The following ESRRB variants were observed in gnomAD, a reference collection of about 807,000 sequenced individuals.
ESRRB encodes the protein steroid hormone receptor ERR2.
In ESRRB, 16 loss-of-function variants were observed where a neutral mutation model predicts 46.0. The ratio of observed to expected loss-of-function variants is 0.35; its 90% CI spans 0.24 to 0.53. The LOEUF is 0.53. ESRRB is among the 20% of genes least tolerant of loss of function. The probability of loss-of-function intolerance (pLI) is 0.93; values close to 1 mark genes in which losing one functional copy is unlikely to be tolerated. For missense variants in ESRRB, 488 were observed against 607.4 expected (o/e 0.80, Z 2.07); for synonymous variants, 246 against 259.6 (o/e 0.95, Z 0.50).
chr14:76,436,029 G>A (rs891061849), intron 1 of ESRRB, among the ~76,000 whole-genome samples: 1 of 152,200 alleles, frequency 6.6e-6, no homozygotes, highest in Non-Finnish European at 1.5e-5. Flanking sequence ...CCTGATAGAG[G>A]CCAGCATCTT....
At chr14:76,390,838 C>G (rs942788339) in intron 1 of ESRRB, among the ~76,000 whole-genome samples, 1 of 152,058 alleles carries the variant, frequency 6.6e-6, no homozygotes, top group African/African-American at 2.4e-5. Flanking sequence ...GTGCCCCAGG[C>G]CCTTTGAGGA....
intron 2 of ESRRB, among the ~76,000 whole-genome samples, chr14:76,449,853 A>C (rs773073480): frequency 4.6e-5 from 7 of 150,638 alleles, no homozygotes; most frequent in Non-Finnish European, 8.8e-5. Flanking sequence ...TGTAGCCTCA[A>C]ACTCCTGGGC....
chr14:76,370,354 C>T (rs934168928), upstream of ESRRB, among the ~76,000 whole-genome samples: 2 of 151,670 alleles, frequency 1.3e-5, no homozygotes, highest in Admixed American at 6.6e-5. Context: ...ACTGAGATCA[C>T]GCCATTGTAC....
At chr14:76,466,345 C>A (rs530465635) in intron 3 of ESRRB, among the ~76,000 whole-genome samples, 1 of 152,226 alleles carries the variant, frequency 6.6e-6, no homozygotes, top group Non-Finnish European at 1.5e-5. Context: ...GTAAAATAAT[C>A]AGAGATCGTT....
At chr14:76,442,626 A>G (rs530796343) in intron 2 of ESRRB, among the ~76,000 whole-genome samples, 3 of 152,290 alleles carry the variant, frequency 2.0e-5, no homozygotes, top group African/African-American at 7.2e-5. Flanking sequence ...AAATGTTTGT[A>G]ATTATTATTT....
At chr14:76,320,561 G>A (rs542628825) in intron 1 of ESRRB, among the ~76,000 whole-genome samples, 2 of 152,308 alleles carry the variant, frequency 1.3e-5, no homozygotes, top group African/African-American at 4.8e-5. Context: ...TCCCAGCACC[G>A]TGCCTGGACA....
chr14:76,339,110 T>C (rs891836213), intron 1 of ESRRB, among the ~76,000 whole-genome samples: 2 of 152,224 alleles, frequency 1.3e-5, no homozygotes, highest in Admixed American at 6.5e-5. Context: ...GAATTTATTA[T>C]GTATCTTTCT....
chr14:76,499,995 C>A lies in ESRRB; in HGVS notation c.*1537C>A. On this transcript the variant is annotated 3_prime_UTR_variant, in exon 7 of 7. Transcript: ENST00000644823. ...CTCCCCGGGGATCCCCAATCCACGC[C>A]CTTCTAGTCCAACCCCCCTCAATGA... The A allele has an allele frequency of 6.3e-7, 1 of 1,579,496 alleles. No individual in the cohort carries two copies. Among genetic ancestry groups the A allele is most frequent in the Non-Finnish European group, 8.6e-7 (1 of 1,161,662 alleles).
chr14:76,437,869 C>G (rs1887741832), intron 1 of ESRRB, among the ~76,000 whole-genome samples: 1 of 152,222 alleles, frequency 6.6e-6, no homozygotes, highest in Non-Finnish European at 1.5e-5. Context: ...TGCCCGCCTT[C>G]TCCTCCACCA....
intron 1 of ESRRB, among the ~76,000 whole-genome samples, chr14:76,332,681 ATATATT>A (rs1168307446): frequency 1.0e-4 from 3 of 28,788 alleles, no homozygotes; most frequent in African/African-American, 2.6e-4. Context: ...TTTATATATT[ATATATT>A]TATATATTTA....
intron 1 of ESRRB, among the ~76,000 whole-genome samples, chr14:76,360,047 G>C (rs1443698355): frequency 6.6e-6 from 1 of 152,156 alleles, no homozygotes; most frequent in African/African-American, 2.4e-5. Flanking sequence ...GCTAAAGTCA[G>C]GTTGCCAGGG....
At chr14:76,481,634 C>T (rs1397377239) in intron 3 of ESRRB, among the ~76,000 whole-genome samples, 2 of 152,174 alleles carry the variant, frequency 1.3e-5, no homozygotes, top group Non-Finnish European at 2.9e-5. Context: ...GACCGGGATT[C>T]CTTTCTTTTG....
chr14:76,501,080 G>A lies in ESRRB; in HGVS notation c.*2622G>A. 1 of 329,708 alleles carries A rather than the reference G, an allele frequency of 3.0e-6. No homozygotes were observed. 20.4% of individuals were successfully genotyped at this position (329,708 alleles called of 1,614,324 possible). On this transcript the variant is annotated 3_prime_UTR_variant, in exon 7 of 7. Coordinates refer to ENST00000644823, the MANE Select transcript of ESRRB (RefSeq NM_001379180.1). ...AGTGGAAGGTGGTGAAGTGAGGAGA[G>A]TTTAGGGGAACCTTCCCCCAGTGGA...
intron 1 of ESRRB, among the ~76,000 whole-genome samples, chr14:76,405,384 T>C (rs1460574767): frequency 6.6e-6 from 1 of 152,088 alleles, no homozygotes; most frequent in Non-Finnish European, 1.5e-5. Flanking sequence ...ACTGCTGGGG[T>C]TACAGGTGTG....
chr14:76,491,212 G>A (rs138990558), intron 5 of ESRRB, among the ~76,000 whole-genome samples: 72 of 152,338 alleles, frequency 4.7e-4, no homozygotes, highest in African/African-American at 1.5e-3. Context: ...TGTCAACATT[G>A]ACTGAGCTCT....
chr14:76,421,850 G>A (rs1003329239), intron 1 of ESRRB, among the ~76,000 whole-genome samples: 3 of 152,232 alleles, frequency 2.0e-5, no homozygotes, highest in Non-Finnish European at 4.4e-5. Flanking sequence ...GGGAGGGAGG[G>A]TGTGGTTGGG....
At chr14:76,473,614 C>T (rs1889458488) in intron 3 of ESRRB, among the ~76,000 whole-genome samples, 1 of 152,266 alleles carries the variant, frequency 6.6e-6, no homozygotes, top group South Asian at 2.1e-4. Context: ...CCCGCTGCGG[C>T]TGACCCTGCA....
intron 5 of ESRRB, among the ~76,000 whole-genome samples, chr14:76,487,871 G>A (rs1019492262): frequency 9.9e-5 from 15 of 152,158 alleles, no homozygotes; most frequent in Non-Finnish European, 2.1e-4. Context: ...CCAAAGTTCT[G>A]GGATTACAGG....
chr14:76,355,599 G>A (rs1335114183), intron 1 of ESRRB, among the ~76,000 whole-genome samples: 1 of 152,118 alleles, frequency 6.6e-6, no homozygotes, highest in East Asian at 1.9e-4. Flanking sequence ...CAGATATTCT[G>A]TCCTGTCTGG....
Sources: allele counts gnomAD v4.1 joint callset (sites outside exome capture counted in the v4.1 genomes callset), GRCh38; gene constraint gnomAD v4.1.1; transcripts MANE v1.5; gene names NCBI Gene and HGNC (gene_info 2026-07-23, HGNC 2026-07-21).